CHIC2: variants seen among roughly 807,000 people sequenced by gnomAD.
The protein encoded by CHIC2 is cysteine-rich hydrophobic domain-containing protein 2.
In CHIC2, 14 loss-of-function variants were observed where a neutral mutation model predicts 25.9. That is an observed-to-expected ratio of 0.54 (90% CI 0.36 to 0.85). The LOEUF is 0.85. CHIC2 is among the 40% of genes least tolerant of loss of function. CHIC2 has a pLI of 0.01. For synonymous variants in CHIC2, 70 were observed against 72.0 expected (o/e 0.97, Z 0.14); for missense variants, 146 against 202.0 (o/e 0.72, Z 1.68).
At chr4:54,046,384 T>A (rs927537835) in intron 3 of CHIC2, among the ~76,000 whole-genome samples, 65 of 152,150 alleles carry the variant, frequency 4.3e-4, no homozygotes, top group Non-Finnish European at 6.8e-4. Flanking sequence ...GGCATCACGC[T>A]ACCTGACTTC....
intron 3 of CHIC2, among the ~76,000 whole-genome samples, chr4:54,018,878 C>T (rs1212809910): frequency 2.6e-5 from 4 of 151,742 alleles, no homozygotes; most frequent in African/African-American, 9.7e-5. Context: ...TGTTCAATTC[C>T]CTACTTAAAT....
the CHIC2 span, among the ~76,000 whole-genome samples, chr4:54,078,482 G>A: frequency 6.6e-6 from 1 of 151,990 alleles, no homozygotes; most frequent in African/African-American, 2.4e-5. Flanking sequence ...TCATTTTTCT[G>A]TCATACAACC....
At chr4:54,053,680 G>C (rs924903615) in intron 1 of CHIC2, among the ~76,000 whole-genome samples, 2 of 152,042 alleles carry the variant, frequency 1.3e-5, no homozygotes, top group African/African-American at 4.8e-5. Flanking sequence ...GTATTCTGCA[G>C]TGTTATTTTA....
intron 3 of CHIC2, among the ~76,000 whole-genome samples, chr4:54,019,408 T>C (rs1405271099): frequency 2.0e-5 from 3 of 152,142 alleles, no homozygotes; most frequent in African/African-American, 7.2e-5. Context: ...AAAAGTAATA[T>C]TTTTAGATAG....
the CHIC2 span, among the ~76,000 whole-genome samples, chr4:54,075,489 A>G: frequency 2.6e-5 from 4 of 152,212 alleles, no homozygotes; most frequent in African/African-American, 7.2e-5. Flanking sequence ...AAGGAATGCA[A>G]TATCTTTATT....
chr4:54,089,392 CAT>C, the CHIC2 span, among the ~76,000 whole-genome samples: 113,688 of 145,156 alleles, frequency 0.78, 44,489 homozygotes, highest in East Asian at 0.9. Context: ...CACCACATTC[CAT>C]ATATATATAT....
Position 54,038,462 on chromosome 4 carries a change from C to CA in CHIC2, c.330+10492dup, listed in dbSNP as rs202169600. 8.3e-3 allele frequency among the ~76,000 whole-genome samples: 1,264 copies of CA among 151,754 alleles called. 18 individuals carry two copies. Among genetic ancestry groups the CA allele is most frequent in the African/African-American group, 0.029 (1,187 of 41,424 alleles). On this transcript the variant is annotated intron_variant, in intron 3 of 5. Transcript: ENST00000263921. ...TACGCAAAAAACTACAAAGCTCTAA[C>CA]AAAAAAAACGTCAAAGACCTAAATA...
the CHIC2 span, among the ~76,000 whole-genome samples, chr4:54,083,848 C>A: frequency 9.2e-5 from 14 of 152,260 alleles, no homozygotes; most frequent in Middle Eastern, 3.4e-3. Context: ...ACTACAGAGG[C>A]CTTCATACTT....
At chr4:54,017,100 G>T (rs1183861758) in intron 3 of CHIC2, among the ~76,000 whole-genome samples, 1 of 151,822 alleles carries the variant, frequency 6.6e-6, no homozygotes, top group African/African-American at 2.4e-5. Context: ...TAGTCATCTA[G>T]ATAAAAGTTA....
the CHIC2 span, among the ~76,000 whole-genome samples, chr4:54,082,572 C>T: frequency 3.2e-3 from 480 of 152,344 alleles, 4 homozygotes; most frequent in African/African-American, 0.011. Flanking sequence ...AAAGAGTACT[C>T]AGCCACCTTT....
chr4:54,060,979 C>T (rs762366625), intron 1 of CHIC2: 8 of 152,062 alleles, frequency 5.3e-5, no homozygotes, highest in Non-Finnish European at 1.2e-4. Context: ...TGCTTCTGCA[C>T]AAGATTTCCC....
At chr4:54,080,964 A>G in the CHIC2 span, among the ~76,000 whole-genome samples, 786 of 137,184 alleles carry the variant, frequency 5.7e-3, 6 homozygotes, top group African/African-American at 0.018. Flanking sequence ...ATATATATAT[A>G]TATATATATA....
At chr4:54,077,669 A>G in the CHIC2 span, among the ~76,000 whole-genome samples, 1 of 152,200 alleles carries the variant, frequency 6.6e-6, no homozygotes, top group East Asian at 1.9e-4. Context: ...CTCAAAATGT[A>G]CTTGCAAGGC....
intron 3 of CHIC2, among the ~76,000 whole-genome samples, chr4:54,017,305 T>C (rs1715766916): frequency 6.6e-6 from 1 of 151,626 alleles, no homozygotes; most frequent in Non-Finnish European, 1.5e-5. Context: ...CAGAAAAAAA[T>C]ATGTATGGGA....
chr4:54,020,896 G>A (rs181031205), intron 3 of CHIC2, among the ~76,000 whole-genome samples: 2 of 152,216 alleles, frequency 1.3e-5, no homozygotes, highest in South Asian at 2.1e-4. Flanking sequence ...CTGCAGGGAC[G>A]CCTGCCTTGG....
intron 3 of CHIC2, among the ~76,000 whole-genome samples, chr4:54,032,632 T>C (rs1716267747): frequency 6.6e-6 from 1 of 151,980 alleles, no homozygotes; most frequent in Non-Finnish European, 1.5e-5. Flanking sequence ...ATCCTGAAAA[T>C]TTATATACCT....
At chr4:54,038,167 A>G (rs1577974610) in intron 3 of CHIC2, among the ~76,000 whole-genome samples, 1 of 152,156 alleles carries the variant, frequency 6.6e-6, no homozygotes, top group African/African-American at 2.4e-5. Context: ...AAGTACACAG[A>G]TTGGGAATAA....
At chr4:54,060,768 T>C (rs531181817) in intron 1 of CHIC2, 1 of 152,270 alleles carries the variant, frequency 6.6e-6, no homozygotes, top group Admixed American at 6.5e-5. Flanking sequence ...TAATAGTCTT[T>C]TTACAGTATT....
chr4:54,024,256 G>A (rs1466406940), intron 3 of CHIC2, among the ~76,000 whole-genome samples: 2 of 152,110 alleles, frequency 1.3e-5, no homozygotes, highest in East Asian at 3.9e-4. Flanking sequence ...CAAGCCGCTA[G>A]CCCATCTCTT....
Sources: gnomAD v4.1 joint callset for allele counts (sites outside exome capture counted in the v4.1 genomes callset) on GRCh38, gnomAD v4.1.1 for gene constraint, MANE v1.5 for transcripts, NCBI Gene and HGNC (gene_info 2026-07-23, HGNC 2026-07-21) for gene names.